Variants in ZNF398 observed in about 807,000 individuals in gnomAD.
ZNF398 encodes the protein zinc finger protein 398.
ZNF398 carries 18 observed loss-of-function variants against 41.9 expected under a neutral mutation model. The ratio of observed to expected loss-of-function variants is 0.43; its 90% confidence interval spans 0.30 to 0.64. ZNF398 has a LOEUF of 0.64. Among genes scored for constraint, ZNF398 ranks in the 30% least tolerant of loss-of-function variants. ZNF398 has a pLI of 0.14. For missense variants in ZNF398, 669 were observed against 822.8 expected (o/e 0.81, Z 2.29); for synonymous variants, 260 against 308.8 (o/e 0.84, Z 1.66).
At chr7:149,167,805 G>A (rs1048120665) in intron 4 of ZNF398, among the ~76,000 whole-genome samples, 4 of 151,680 alleles carry the variant, frequency 2.6e-5, no homozygotes, top group Non-Finnish European at 5.9e-5. Flanking sequence ...TAGAGATGGG[G>A]TTTCACCATG....
chr7:149,137,374 T>C (rs559422891), intron 2 of ZNF398, among the ~76,000 whole-genome samples: 1 of 152,332 alleles, frequency 6.6e-6, no homozygotes, highest in African/African-American at 2.4e-5. Flanking sequence ...CTGTTGAGTA[T>C]GACGTTAACT....
At chr7:149,154,738 C>G (rs1467147609) in intron 2 of ZNF398, among the ~76,000 whole-genome samples, 2 of 152,098 alleles carry the variant, frequency 1.3e-5, no homozygotes, top group Non-Finnish European at 2.9e-5. Context: ...GTGGCTCATC[C>G]CAGCACTTTG....
chr7:149,150,374 G>A (rs1334294909), intron 1 of ZNF398, among the ~76,000 whole-genome samples: 2 of 152,064 alleles, frequency 1.3e-5, no homozygotes, highest in African/African-American at 2.4e-5. Context: ...TGAGGCAGGT[G>A]GATCACTTGA....
At position 149,179,313 on chromosome 7, in the gene ZNF398, C is replaced by T. The variant is rs148734907; in HGVS notation, c.1441C>T (p.Arg481Cys). The T allele has an allele frequency of 1.4e-5, 23 of 1,613,060 alleles. No individual in the cohort carries two copies. The highest frequency in any genetic ancestry group is 1.6e-4 in the Middle Eastern group (1 of 6,084). The change falls in exon 6 of 6, where the codon CGC (arginine) becomes TGC (cysteine). Residue 481 changes from arginine (R) to cysteine (C), a missense_variant. Around this residue, in one of 3 missense-constraint regions of ZNF398, gnomAD observed 210 missense variants for 290.4 expected, o/e 0.72. Transcript: ENST00000475153. The surrounding 1 kb of genome is among the most constrained non-coding windows in gnomAD (Gnocchi z 6.1). The stretch of plus-strand genomic sequence containing the variant: ...CCACCAGCGGGGTCATGCACAAGAG[C>T]GCCCTTTCTCCTGCCCTCAGTGTGG... ...LLHQRGHAQE[R>C]PFSCPQCGID...
chr7:149,132,676 C>T (rs920787361), intron 2 of ZNF398, among the ~76,000 whole-genome samples: 2 of 152,120 alleles, frequency 1.3e-5, no homozygotes, highest in African/African-American at 2.4e-5. Context: ...GGCCACCCAC[C>T]CTAATCTACT....
chr7:149,160,489 T>G (rs953598799), intron 2 of ZNF398, among the ~76,000 whole-genome samples: 2 of 152,244 alleles, frequency 1.3e-5, no homozygotes, highest in African/African-American at 4.8e-5. Context: ...CTCCTCTGAA[T>G]GCACTCTTCA....
At chr7:149,159,341 T>C (rs1563160951) in intron 2 of ZNF398, among the ~76,000 whole-genome samples, 1 of 152,200 alleles carries the variant, frequency 6.6e-6, no homozygotes, top group East Asian at 1.9e-4. Context: ...TTTGTGTCCT[T>C]GCTTTGTTGA....
intron 4 of ZNF398, among the ~76,000 whole-genome samples, chr7:149,168,564 TTTA>T (rs142740926): frequency 0.18 from 26,979 of 151,348 alleles, 2,768 homozygotes; most frequent in African/African-American, 0.27. Context: ...CTGCCTCACA[TTTA>T]TTATTATTAT....
chr7:149,173,121 T>TTTG (rs1795385778), intron 4 of ZNF398, among the ~76,000 whole-genome samples: 1 of 72,876 alleles, frequency 1.4e-5, no homozygotes, highest in Non-Finnish European at 2.8e-5. Flanking sequence ...TTTTTTTTTT[T>TTTG]TGAGACAGAG....
intron 4 of ZNF398, among the ~76,000 whole-genome samples, chr7:149,175,887 C>T (rs550002692): frequency 2.5e-4 from 38 of 152,050 alleles, no homozygotes; most frequent in South Asian, 1.9e-3. Context: ...GGTTTTGCCA[C>T]GTTGGTCAGG....
chr7:149,155,706 TA>T (rs1419903343), intron 2 of ZNF398, among the ~76,000 whole-genome samples: 477 of 32,188 alleles, frequency 0.015, 6 homozygotes, highest in East Asian at 0.046. Flanking sequence ...TATATATATA[TA>T]TTTTTTTTTT....
chr7:149,170,149 A>G (rs1795302447), intron 4 of ZNF398, among the ~76,000 whole-genome samples: 1 of 152,196 alleles, frequency 6.6e-6, no homozygotes, highest in Admixed American at 6.5e-5. Flanking sequence ...TGTTCTGCAT[A>G]TACCACACTG....
chr7:149,150,869 C>T (rs1210237359), intron 1 of ZNF398, among the ~76,000 whole-genome samples: 1 of 152,048 alleles, frequency 6.6e-6, no homozygotes, highest in African/African-American at 2.4e-5. Flanking sequence ...CCACCACACC[C>T]AGCTAATTTT....
At chr7:149,146,230 C>T (rs1406917813), upstream of ZNF398, among the ~76,000 whole-genome samples, 1 of 149,648 alleles carries the variant, frequency 6.7e-6, no homozygotes. Context: ...TGAGCCACTG[C>T]GCTCGGCCTG....
At chr7:149,148,196 A>G (rs1263605228) in intron 1 of ZNF398, 4 of 171,582 alleles carry the variant, frequency 2.3e-5, no homozygotes, top group Non-Finnish European at 4.9e-5. Flanking sequence ...GCGGAGGCGC[A>G]TTCCCGCCGC....
chr7:149,153,776 G>A (rs1021253797), intron 1 of ZNF398, among the ~76,000 whole-genome samples, 169 bp from the exon 2 acceptor site: 2 of 152,186 alleles, frequency 1.3e-5, no homozygotes, highest in African/African-American at 4.8e-5. Context: ...AGGTCTCTTG[G>A]CTGTTGATGC....
At chr7:149,129,211 C>A (rs888691373) in intron 2 of ZNF398, among the ~76,000 whole-genome samples, 1 of 151,940 alleles carries the variant, frequency 6.6e-6, no homozygotes, top group Non-Finnish European at 1.5e-5. Context: ...AGGTTGGAAA[C>A]TAAGCGGTTA....
At chr7:149,161,808 C>T (rs904119482) in intron 2 of ZNF398, among the ~76,000 whole-genome samples, 2 of 116,702 alleles carry the variant, frequency 1.7e-5, no homozygotes, top group African/African-American at 6.1e-5. Context: ...TAATTAACTC[C>T]AAAAAAAAAA....
intron 4 of ZNF398, among the ~76,000 whole-genome samples, chr7:149,170,683 C>T (rs1423506350): frequency 6.6e-6 from 1 of 151,290 alleles, no homozygotes; most frequent in African/African-American, 2.4e-5. Flanking sequence ...TGCAGTGAGC[C>T]GAGATTACAC....
Sources: allele counts gnomAD v4.1 joint callset (sites outside exome capture counted in the v4.1 genomes callset), GRCh38; gene constraint gnomAD v4.1.1; regional missense constraint gnomAD v4.1.1; non-coding constraint Gnocchi (gnomAD v3.1); transcripts MANE v1.5; gene names NCBI Gene and HGNC (gene_info 2026-07-23, HGNC 2026-07-21).